SCAPER: variants seen among roughly 807,000 people sequenced by gnomAD.
The protein encoded by SCAPER is S-phase cyclin A associated protein in the ER, also known as S phase cyclin A-associated protein in the endoplasmic reticulum.
SCAPER carries 98 observed loss-of-function variants against 182.2 expected under a neutral mutation model. That is an observed-to-expected ratio of 0.54 (90% CI 0.46 to 0.64). SCAPER has a LOEUF of 0.64. SCAPER is among the 30% of genes least tolerant of loss of function. The pLI, the probability that SCAPER is intolerant of heterozygous loss-of-function variation, is 0.00. For synonymous variants in SCAPER, 605 were observed against 564.6 expected (o/e 1.07, Z -1.01); for missense variants, 1,432 against 1,690.0 (o/e 0.85, Z 2.68).
At chr15:76,571,845 C>A (rs1419047960) in intron 23 of SCAPER, among the ~76,000 whole-genome samples, 1 of 152,154 alleles carries the variant, frequency 6.6e-6, no homozygotes, top group African/African-American at 2.4e-5. Flanking sequence ...AGACTGAAAT[C>A]ATAAATATCA....
At chr15:76,625,197 G>A (rs923271680) in intron 21 of SCAPER, among the ~76,000 whole-genome samples, 1 of 152,138 alleles carries the variant, frequency 6.6e-6, no homozygotes, top group Admixed American at 6.5e-5. Context: ...ATGTGTAGGT[G>A]CTAGCTTTGG....
At chr15:76,694,753 T>C (rs1040372406) in intron 20 of SCAPER, among the ~76,000 whole-genome samples, 2 of 152,100 alleles carry the variant, frequency 1.3e-5, no homozygotes, top group Non-Finnish European at 2.9e-5. Context: ...TATATGAAGA[T>C]GATACAATCT....
chr15:76,484,597 C>T (rs2051437091), intron 24 of SCAPER, among the ~76,000 whole-genome samples: 1 of 152,008 alleles, frequency 6.6e-6, no homozygotes, highest in South Asian at 2.1e-4. Flanking sequence ...TGAAACTATT[C>T]CAAAAAATTG....
rs2042939616 is a variant in SCAPER, at chr15:76,381,500, T to C, written c.3583A>G (p.Thr1195Ala). Residue 1195 changes from threonine (T) to alanine (A), a missense_variant, in exon 28 of 32, where the codon ACC (threonine) becomes GCC (alanine). Transcript: ENST00000563290. ...HMLYCVLFHG[T>A]ILDPSTASPK... is the part of the protein sequence containing the mutation. ...CTGGCAGTGCTGGGGTCCAAGATGG[T>C]GCCATGGAAGAGGACACAGTAGAGC... 6.2e-7 allele frequency: 1 copy of C among 1,613,468 alleles called. No homozygotes were observed. The highest frequency in any genetic ancestry group is 1.3e-5 in the African/African-American group (1 of 74,886).
At chr15:76,760,988 T>C (rs768985079) in intron 14 of SCAPER, among the ~76,000 whole-genome samples, 14 of 152,210 alleles carry the variant, frequency 9.2e-5, no homozygotes, top group South Asian at 2.1e-4. Context: ...CATCTGGCCC[T>C]AGGCTTTTTT....
At chr15:76,897,976 C>A (rs1475897059) in intron 1 of SCAPER, among the ~76,000 whole-genome samples, 2 of 151,958 alleles carry the variant, frequency 1.3e-5, no homozygotes, top group East Asian at 3.9e-4. Flanking sequence ...CAGATTACCA[C>A]AAAGGATTTC....
intron 25 of SCAPER, among the ~76,000 whole-genome samples, chr15:76,439,797 C>A (rs1229862769): frequency 6.6e-6 from 1 of 152,190 alleles, no homozygotes; most frequent in Admixed American, 6.5e-5. Flanking sequence ...TTGTAACTAC[C>A]ACCTGCTGGT....
At chr15:76,457,776 T>G (rs541797768) in intron 25 of SCAPER, among the ~76,000 whole-genome samples, 1 of 152,272 alleles carries the variant, frequency 6.6e-6, no homozygotes, top group African/African-American at 2.4e-5. Flanking sequence ...AAAATTTGAC[T>G]TTTAAAGTAA....
At chr15:76,618,670 C>T (rs1597732197) in intron 22 of SCAPER, among the ~76,000 whole-genome samples, 1 of 151,868 alleles carries the variant, frequency 6.6e-6, no homozygotes, top group Non-Finnish European at 1.5e-5. Flanking sequence ...AACAGAATTG[C>T]TAAATATTAA....
At chr15:76,381,075 A>G (rs2042914548) in intron 28 of SCAPER, 1 of 166,306 alleles carries the variant, frequency 6.0e-6, no homozygotes, top group African/African-American at 2.4e-5. Context: ...CATGGTTACT[A>G]GTCCTGGTTC....
At position 76,761,307 on chromosome 15, in the gene SCAPER, G is replaced by A. The variant is rs534702144; in HGVS notation, c.1725+3654C>T. Reference sequence around the variant, plus strand: ...ACCGTTTTGTTGATTTTTTCCCATCGTTTTTCTCTTTTGCATTTCAATTAT... The same window carrying A: ...ACCGTTTTGTTGATTTTTTCCCATCATTTTTCTCTTTTGCATTTCAATTAT... On this transcript the variant is annotated intron_variant, in intron 14 of 31. Coordinates refer to ENST00000563290, the MANE Select transcript of SCAPER (RefSeq NM_020843.4). 1.1e-4 allele frequency among the ~76,000 whole-genome samples: 16 copies of A among 151,458 alleles called. No homozygotes were observed. In the South Asian group the frequency reaches 3.3e-3, roughly 32 times the overall value.
At chr15:76,721,137 T>G (rs1273991584) in intron 17 of SCAPER, among the ~76,000 whole-genome samples, 2 of 152,268 alleles carry the variant, frequency 1.3e-5, no homozygotes, top group African/African-American at 4.8e-5. Context: ...TTCAGCTTTC[T>G]ACATATGGCT....
intron 5 of SCAPER, among the ~76,000 whole-genome samples, chr15:76,813,227 T>TAAAAAAAAAAAAAAAAAAAAAAAAAA (rs746891532): frequency 5.8e-5 from 1 of 17,286 alleles, no homozygotes; most frequent in African/African-American, 2.3e-4. Context: ...ATCCTTTCAC[T>TAAAAAAAAAAAAAAAAAAAAAAAAAA]AAAAAAAAAA....
chr15:76,415,040 C>T (rs1567089899), intron 26 of SCAPER, among the ~76,000 whole-genome samples: 1 of 152,096 alleles, frequency 6.6e-6, no homozygotes, highest in Non-Finnish European at 1.5e-5. Flanking sequence ...GACTGACAAA[C>T]AATGCTCAAC....
At chr15:76,902,759 G>T (rs1352104354) in intron 1 of SCAPER, among the ~76,000 whole-genome samples, 2 of 152,084 alleles carry the variant, frequency 1.3e-5, no homozygotes, top group African/African-American at 4.8e-5. Context: ...CTGTGGTCAG[G>T]TATGAAAGTG....
chr15:76,717,701 G>A (rs1308579755), intron 17 of SCAPER, among the ~76,000 whole-genome samples: 1 of 151,976 alleles, frequency 6.6e-6, no homozygotes, highest in Non-Finnish European at 1.5e-5. Context: ...AAATAATAAA[G>A]AGATCATTAT....
intron 8 of SCAPER, among the ~76,000 whole-genome samples, chr15:76,780,715 A>G (rs766818223): frequency 6.6e-6 from 1 of 152,142 alleles, no homozygotes. Context: ...CTGTTCTGCA[A>G]CCTCCACTGG....
At chr15:76,591,747 A>ATG (rs1491229503) in intron 22 of SCAPER, among the ~76,000 whole-genome samples, 2 of 152,232 alleles carry the variant, frequency 1.3e-5, no homozygotes, top group Non-Finnish European at 2.9e-5. Flanking sequence ...ATATATATAT[A>ATG]AGTTTCTACA....
chr15:76,430,459 G>A (rs890395420), intron 26 of SCAPER, among the ~76,000 whole-genome samples: 2 of 152,248 alleles, frequency 1.3e-5, no homozygotes, highest in African/African-American at 2.4e-5. Context: ...CACACAGGCA[G>A]AGCCGCCCAA....
Sources: gnomAD v4.1 joint callset for allele counts (sites outside exome capture counted in the v4.1 genomes callset) on GRCh38, gnomAD v4.1.1 for gene constraint, MANE v1.5 for transcripts, NCBI Gene and HGNC (gene_info 2026-07-23, HGNC 2026-07-21) for gene names.